The following BRSK2 variants were observed in gnomAD, a reference collection of about 807,000 sequenced individuals.
The protein encoded by BRSK2 is BR serine/threonine kinase 2.
Under a neutral mutation model 83.3 loss-of-function variants are expected in BRSK2, and 19 were observed. The observed-to-expected ratio is 0.23, with a 90% CI of 0.16 to 0.33. The LOEUF (loss-of-function observed/expected upper bound fraction) is 0.33. Among genes scored for constraint, BRSK2 ranks in the 10% least tolerant of loss-of-function variants. The pLI, the probability that BRSK2 is intolerant of heterozygous loss-of-function variation, is 1.00. For missense variants in BRSK2, 798 were observed against 1,042.3 expected (o/e 0.77, Z 3.23); for synonymous variants, 519 against 435.4 (o/e 1.19, Z -2.39).
chr11:1,408,920 A>C (rs1847123701), intron 1 of BRSK2, among the ~76,000 whole-genome samples: 1 of 131,766 alleles, frequency 7.6e-6, no homozygotes, highest in African/African-American at 3.0e-5. Flanking sequence ...CTGCCTGTGC[A>C]AGGGTGTGTG....
chr11:1,401,416 T>C (rs1156375691), intron 1 of BRSK2, among the ~76,000 whole-genome samples: 1 of 152,158 alleles, frequency 6.6e-6, no homozygotes, highest in Non-Finnish European at 1.5e-5. Flanking sequence ...CCTGGAAGAA[T>C]AGGTCGCTCT....
chr11:1,448,719 T>C (rs1449660728), intron 12 of BRSK2, among the ~76,000 whole-genome samples: 2 of 152,200 alleles, frequency 1.3e-5, no homozygotes, highest in African/African-American at 2.4e-5. Context: ...CTGGGTGTCA[T>C]CCTGGCCCAG....
At chr11:1,399,534 T>C (rs760132963) in intron 1 of BRSK2, among the ~76,000 whole-genome samples, 4 of 152,080 alleles carry the variant, frequency 2.6e-5, no homozygotes, top group Non-Finnish European at 4.4e-5. Flanking sequence ...TGAGCCGTGA[T>C]AGGGATTGTG....
chr11:1,439,933 C>T (rs1278154552), intron 3 of BRSK2, among the ~76,000 whole-genome samples: 1 of 152,160 alleles, frequency 6.6e-6, no homozygotes, highest in African/African-American at 2.4e-5. Context: ...AACCTCTGCT[C>T]CCATCCCCAC....
At position 1,460,797 on chromosome 11, in the gene BRSK2, T is replaced by A. The variant is rs1847404631; in HGVS notation, c.*74T>A. The A allele has an allele frequency of 4.3e-6, 6 of 1,387,602 alleles. No homozygotes were observed. The highest frequency in any genetic ancestry group is 4.7e-6 in the Non-Finnish European group (5 of 1,070,840). The allele number at this position is 1,387,602 out of a possible 1,614,324, so 86.0% of individuals were successfully genotyped here. A position where few individuals can be genotyped will look rare whatever the true frequency, so the allele number is the denominator to read the frequency against. ...CGCCCGCCGCCCGCCCTGCCCCGAGTGGACCCGCGGCCGCGCCGCCCGTCC... is the reference window on the plus strand; with the variant it reads ...CGCCCGCCGCCCGCCCTGCCCCGAGAGGACCCGCGGCCGCGCCGCCCGTCC... On this transcript the variant is annotated 3_prime_UTR_variant, in exon 20 of 20. Coordinates refer to ENST00000528841, the MANE Select transcript of BRSK2 (RefSeq NM_001256627.2).
intron 19 of BRSK2, among the ~76,000 whole-genome samples, chr11:1,460,193 C>G (rs1435263496): frequency 1.3e-5 from 2 of 152,174 alleles, no homozygotes; most frequent in African/African-American, 2.4e-5. Flanking sequence ...GCACTGGGTC[C>G]TGCGCAACAG....
chr11:1,398,638 G>A (rs1846270092), intron 1 of BRSK2, among the ~76,000 whole-genome samples: 1 of 152,186 alleles, frequency 6.6e-6, no homozygotes, highest in Non-Finnish European at 1.5e-5. Flanking sequence ...AGGCCAGGGG[G>A]CCAGAGGTTC....
intron 19 of BRSK2, chr11:1,459,571 G>T (rs1847144661): frequency 2.7e-6 from 1 of 367,102 alleles, no homozygotes; most frequent in Admixed American, 3.9e-5. Flanking sequence ...GGAGGGGCCG[G>T]TGCCCATCCC....
chr11:1,411,735 C>T (rs1847527806), intron 1 of BRSK2: 2 of 1,471,744 alleles, frequency 1.4e-6, no homozygotes, highest in Non-Finnish European at 1.8e-6. Flanking sequence ...ACCTCGCCAG[C>T]ACTGGTGGGC....
intron 18 of BRSK2, among the ~76,000 whole-genome samples, chr11:1,457,601 C>G (rs950239234): frequency 6.6e-6 from 1 of 152,136 alleles, no homozygotes; most frequent in Non-Finnish European, 1.5e-5. Flanking sequence ...AACGCTGGTA[C>G]GGCGTGGGGG....
intron 1 of BRSK2, among the ~76,000 whole-genome samples, chr11:1,428,689 C>T (rs971852871): frequency 6.6e-6 from 1 of 152,222 alleles, no homozygotes; most frequent in East Asian, 1.9e-4. Flanking sequence ...CCTTTTGGCT[C>T]CTGTCATTCA....
chr11:1,443,330 C>T lies in BRSK2; in HGVS notation c.565-5C>T. On this transcript the variant is annotated splice_region_variant and splice_polypyrimidine_tract_variant and intron_variant, in intron 6 of 19. Transcript: ENST00000528841. ...CCCCAACAGCCCGGGCACTGCTGTC[C>T]ACAGGGGGAGAAGTATGACGGCCGG... 6.2e-7 allele frequency: 1 copy of T among 1,606,050 alleles called. No homozygotes were observed. Among genetic ancestry groups the T allele is most frequent in the Non-Finnish European group, 8.5e-7 (1 of 1,177,440 alleles).
At chr11:1,456,189 C>T (rs1564883964) in intron 16 of BRSK2, among the ~76,000 whole-genome samples, 159 bp from the exon 17 acceptor site, 2 of 152,226 alleles carry the variant, frequency 1.3e-5, no homozygotes, top group Non-Finnish European at 2.9e-5. Context: ...CCCCCTGCTC[C>T]AGCCGTCTCC....
chr11:1,426,513 G>A (rs1300788701), intron 1 of BRSK2, among the ~76,000 whole-genome samples: 4 of 152,180 alleles, frequency 2.6e-5, no homozygotes, highest in African/African-American at 9.7e-5. Context: ...TCGGTCTCGA[G>A]CCTGGGTCTG....
At position 1,390,488 on chromosome 11, in the gene BRSK2, C is replaced by T. The variant is rs1845653488; in HGVS notation, c.91+113C>T. The stretch of plus-strand genomic sequence containing the variant: ...CGAAGCCGCAGGCCCGGCCCGGGCC[C>T]CGGCCGCGAACAATGGGCGGCCCGT... On this transcript the variant is annotated intron_variant, in intron 1 of 19. Transcript: ENST00000528841. The surrounding 1 kb of genome is among the most constrained non-coding windows in gnomAD (Gnocchi z 6.8). The T allele has an allele frequency of 2.0e-6, 1 of 495,834 alleles. No individual in the cohort carries two copies. Among genetic ancestry groups the T allele is most frequent in the East Asian group, 1.6e-4 (1 of 6,442 alleles). 30.7% of individuals were successfully genotyped at this position (495,834 alleles called of 1,614,324 possible).
At position 1,443,618 on chromosome 11, in the gene BRSK2, G is replaced by A. The variant is rs374809159; in HGVS notation, c.763G>A (p.Ala255Thr). The A allele has an allele frequency of 1.3e-5, 21 of 1,601,190 alleles. No homozygotes were observed. Among genetic ancestry groups the A allele is most frequent in the Admixed American group, 6.7e-5 (4 of 59,622 alleles). Residue 255 changes from alanine to threonine, a missense_variant, in exon 8 of 20, where the codon GCC becomes ACC. Coordinates refer to ENST00000528841, the MANE Select transcript of BRSK2 (RefSeq NM_001256627.2). ...GCTACGGGGCATGATCGAGGTGGACGCCGCACGCCGCCTCACGGTGCGTGC... is the reference window on the plus strand; with the variant it reads ...GCTACGGGGCATGATCGAGGTGGACACCGCACGCCGCCTCACGGTGCGTGC... Reference protein sequence around the residue: ...SLLRGMIEVDAARRLTLEHIQ... With the variant: ...SLLRGMIEVDTARRLTLEHIQ...
chr11:1,459,989 C>G (rs1357742850), intron 19 of BRSK2, among the ~76,000 whole-genome samples: 10 of 152,164 alleles, frequency 6.6e-5, no homozygotes, highest in Admixed American at 6.5e-4. Context: ...AGCAGCTGCC[C>G]CCAGGGTCCT....
intron 15 of BRSK2, among the ~76,000 whole-genome samples, chr11:1,453,125 C>T (rs763148173): frequency 5.3e-5 from 8 of 152,216 alleles, no homozygotes; most frequent in Non-Finnish European, 7.3e-5. Context: ...AAGGGTCCCC[C>T]GCCAGACTCA....
intron 2 of BRSK2, among the ~76,000 whole-genome samples, chr11:1,436,931 C>CCCCCA (rs1438940507): frequency 6.6e-6 from 1 of 151,740 alleles, no homozygotes; most frequent in East Asian, 1.9e-4. Context: ...TGTTGGGCAC[C>CCCCCA]CCCCAGCTGC....
Sources: allele counts gnomAD v4.1 joint callset (sites outside exome capture counted in the v4.1 genomes callset), GRCh38; gene constraint gnomAD v4.1.1; non-coding constraint Gnocchi (gnomAD v3.1); transcripts MANE v1.5; gene names NCBI Gene and HGNC (gene_info 2026-07-23, HGNC 2026-07-21).